LRRC37A2: variants seen among roughly 807,000 people sequenced by gnomAD.
The protein encoded by LRRC37A2 is leucine-rich repeat-containing protein 37A2.
A neutral mutation model predicts 68.8 loss-of-function variants in LRRC37A2; 9 were observed. That is an observed-to-expected ratio of 0.13 (90% CI 0.08 to 0.23). The LOEUF (loss-of-function observed/expected upper bound fraction) is 0.23, where lower values mean the gene tolerates loss of function less well. LRRC37A2 is among the 10% of genes least tolerant of loss of function. LRRC37A2 has a pLI of 1.00. For missense variants in LRRC37A2, 168 were observed against 950.4 expected (o/e 0.18, Z 10.82); for synonymous variants, 63 against 367.6 (o/e 0.17, Z 9.48).
At chr17:46,795,159 G>A in the LRRC37A2 span, among the ~76,000 whole-genome samples, 1 of 152,094 alleles carries the variant, frequency 6.6e-6, no homozygotes, top group East Asian at 1.9e-4. Flanking sequence ...CGGGTGCTGA[G>A]GGAATTGTTC....
At chr17:46,863,374 G>A in the LRRC37A2 span, among the ~76,000 whole-genome samples, 3 of 152,350 alleles carry the variant, frequency 2.0e-5, no homozygotes, top group Admixed American at 6.5e-5. Context: ...GGAGGAGCAC[G>A]CATCTGGACT....
At chr17:46,774,619 C>G in the LRRC37A2 span, among the ~76,000 whole-genome samples, 449 of 152,348 alleles carry the variant, frequency 2.9e-3, 1 homozygote, top group African/African-American at 0.01. Context: ...TCAGATCTCA[C>G]TGCCCACACC....
At chr17:46,760,060 G>A in the LRRC37A2 span, among the ~76,000 whole-genome samples, 1 of 152,118 alleles carries the variant, frequency 6.6e-6, no homozygotes, top group Non-Finnish European at 1.5e-5. Context: ...CTGAACCCAG[G>A]AGTTTGAGAC....
At chr17:46,388,386 TAAAAATACAAAA>T in the LRRC37A2 span, among the ~76,000 whole-genome samples, 3 of 52,068 alleles carry the variant, frequency 5.8e-5, no homozygotes, top group East Asian at 9.9e-4. Flanking sequence ...TCGTCTCTAC[TAAAAATACAAAA>T]AAAAAAAAAA....
the LRRC37A2 span, among the ~76,000 whole-genome samples, chr17:47,002,681 C>T: frequency 1.9e-4 from 29 of 152,292 alleles, no homozygotes; most frequent in Middle Eastern, 3.4e-3. Flanking sequence ...TGAGCCACCA[C>T]GCCTGGCCAT....
chr17:46,910,447 C>G, the LRRC37A2 span, among the ~76,000 whole-genome samples: 1 of 152,218 alleles, frequency 6.6e-6, no homozygotes, highest in African/African-American at 2.4e-5. Context: ...TCTAGTGACT[C>G]TCACGGTGGG....
the LRRC37A2 span, chr17:46,923,195 G>T: frequency 6.5e-7 from 1 of 1,546,518 alleles, no homozygotes; most frequent in Non-Finnish European, 8.8e-7. Flanking sequence ...CCGGCGACAT[G>T]GATCCCCTGT....
chr17:46,903,180 C>T, the LRRC37A2 span, among the ~76,000 whole-genome samples: 1 of 151,900 alleles, frequency 6.6e-6, no homozygotes, highest in Non-Finnish European at 1.5e-5. Flanking sequence ...ACTTGGGAGG[C>T]TAAGGCAGGG....
the LRRC37A2 span, chr17:46,713,905 C>T: frequency 1.2e-6 from 2 of 1,612,636 alleles, no homozygotes; most frequent in Non-Finnish European, 1.7e-6. Context: ...CAGAGGAATC[C>T]AACTTCCCGT....
At chr17:46,842,988 G>A in the LRRC37A2 span, among the ~76,000 whole-genome samples, 1 of 152,150 alleles carries the variant, frequency 6.6e-6, no homozygotes, top group East Asian at 1.9e-4. Flanking sequence ...TAGGACCCAG[G>A]GTTCTCTCCA....
At chr17:46,730,673 T>A in the LRRC37A2 span, among the ~76,000 whole-genome samples, 9 of 152,230 alleles carry the variant, frequency 5.9e-5, no homozygotes, top group South Asian at 4.1e-4. Flanking sequence ...CAAAAAAAAA[T>A]TTTTCAGTGT....
At chr17:46,575,488 G>T in the LRRC37A2 span, among the ~76,000 whole-genome samples, 1 of 144,932 alleles carries the variant, frequency 6.9e-6, no homozygotes, top group Non-Finnish European at 1.5e-5. Flanking sequence ...TGACTGAGGA[G>T]GCACCAGCAG....
the LRRC37A2 span, among the ~76,000 whole-genome samples, chr17:46,851,319 G>A: frequency 0.025 from 3,841 of 151,914 alleles, 88 homozygotes; most frequent in East Asian, 0.071. The surrounding 1 kb of genome is among the most constrained non-coding windows in gnomAD (Gnocchi z 4.3). Flanking sequence ...GGCCCGGGGG[G>A]CTTCACGTTC....
the LRRC37A2 span, chr17:46,935,457 G>C: frequency 7.2e-7 from 1 of 1,384,382 alleles, no homozygotes; most frequent in East Asian, 2.6e-5. Flanking sequence ...TACTACGAGG[G>C]GTCCAATCAC....
At chr17:46,707,370 G>A in the LRRC37A2 span, among the ~76,000 whole-genome samples, 2 of 151,698 alleles carry the variant, frequency 1.3e-5, no homozygotes, top group African/African-American at 4.8e-5. Context: ...TCTCAATTTT[G>A]TATTGTGTTA....
At chr17:46,922,606 C>G in the LRRC37A2 span, among the ~76,000 whole-genome samples, 10 of 152,080 alleles carry the variant, frequency 6.6e-5, no homozygotes, top group Admixed American at 2.0e-4. Flanking sequence ...CAGGAGGAAC[C>G]CGGTTTTCCC....
At chr17:46,876,294 G>C in the LRRC37A2 span, 1 of 1,614,122 alleles carries the variant, frequency 6.2e-7, no homozygotes, top group Non-Finnish European at 8.5e-7. Context: ...GGCGTATCAG[G>C]CTCCTGTGCC....
the LRRC37A2 span, among the ~76,000 whole-genome samples, chr17:46,842,947 C>T: frequency 3.3e-5 from 5 of 152,266 alleles, no homozygotes; most frequent in East Asian, 7.7e-4. Flanking sequence ...AAACCGAGGT[C>T]GCAGAGGAAG....
chr17:47,014,081 G>T, the LRRC37A2 span, among the ~76,000 whole-genome samples: 1 of 144,372 alleles, frequency 6.9e-6, no homozygotes, highest in Admixed American at 6.9e-5. Context: ...CAACAAGAGT[G>T]AGACTCCATC....
Sources: gnomAD v4.1 joint callset for allele counts (sites outside exome capture counted in the v4.1 genomes callset) on GRCh38, gnomAD v4.1.1 for gene constraint, Gnocchi (gnomAD v3.1) non-coding constraint, MANE v1.5 for transcripts, NCBI Gene and HGNC (gene_info 2026-07-23, HGNC 2026-07-21) for gene names.